The following CD163L1 variants were observed in gnomAD, a reference collection of about 807,000 sequenced individuals.
CD163L1 encodes scavenger receptor cysteine-rich type 1 protein M160.
A neutral mutation model predicts 165.4 loss-of-function variants in CD163L1; 124 were observed. The observed-to-expected ratio is 0.75, with a 90% CI of 0.65 to 0.87. The LOEUF is 0.87. Ranked by LOEUF, CD163L1 falls within the 40% of genes least tolerant of loss-of-function variation. The pLI, the probability that CD163L1 is intolerant of heterozygous loss-of-function variation, is 0.00. For synonymous variants in CD163L1, 585 were observed against 662.2 expected, an observed-to-expected ratio of 0.88 and a Z score of 1.79; for missense variants, 1,525 against 1,799.9, an observed-to-expected ratio of 0.85 and a Z score of 2.76.
At chr12:7,332,433 C>A in the CD163L1 span, among the ~76,000 whole-genome samples, 8,886 of 151,234 alleles carry the variant, frequency 0.059, 301 homozygotes, top group African/African-American at 0.098. Context: ...ATACAGAGAA[C>A]GCCACAAAGA....
At chr12:7,421,468 T>TATATAGAC in intron 4 of CD163L1, among the ~76,000 whole-genome samples, 1 of 93,390 alleles carries the variant, frequency 1.1e-5, no homozygotes, top group East Asian at 4.6e-4. Context: ...TATATACATA[T>TATATAGAC]ATATACATAT....
chr12:7,415,197 T>G (rs1467760202), intron 4 of CD163L1, among the ~76,000 whole-genome samples: 1 of 152,016 alleles, frequency 6.6e-6, no homozygotes, highest in Non-Finnish European at 1.5e-5. Context: ...ATCAATAAAA[T>G]AAAATATAAC....
the CD163L1 span, among the ~76,000 whole-genome samples, chr12:7,332,633 A>G: frequency 6.6e-6 from 1 of 152,358 alleles, no homozygotes; most frequent in East Asian, 1.9e-4. Context: ...AATATTCAAC[A>G]TTCTTAAAGA....
intron 18 of CD163L1, among the ~76,000 whole-genome samples, chr12:7,360,601 A>AT (rs1946872053): frequency 6.6e-6 from 1 of 151,860 alleles, no homozygotes; most frequent in Non-Finnish European, 1.5e-5. Context: ...CAATCCAGTG[A>AT]TTTTTTGAAA....
At chr12:7,422,751 ATGTG>A (rs72061380) in intron 4 of CD163L1, among the ~76,000 whole-genome samples, 10,099 of 143,668 alleles carry the variant, frequency 0.07, 364 homozygotes, top group African/African-American at 0.092. Context: ...ATATATACAT[ATGTG>A]TGTGTGTGTG....
At chr12:7,384,687 C>G (rs377524597) in intron 8 of CD163L1, among the ~76,000 whole-genome samples, 187 of 152,006 alleles carry the variant, frequency 1.2e-3, no homozygotes, top group African/African-American at 4.4e-3. Flanking sequence ...AAATATAATA[C>G]CCAGCAAAGT....
At chr12:7,423,063 G>T (rs182491624) in intron 4 of CD163L1, among the ~76,000 whole-genome samples, 17 of 151,956 alleles carry the variant, frequency 1.1e-4, no homozygotes, top group Non-Finnish European at 2.2e-4. Flanking sequence ...TTCTAAGCTC[G>T]ACCTCATAAT....
At chr12:7,325,580 A>G in the CD163L1 span, among the ~76,000 whole-genome samples, 6 of 152,226 alleles carry the variant, frequency 3.9e-5, no homozygotes, top group Admixed American at 6.5e-5. Flanking sequence ...CTGGGAGGCA[A>G]TGGTTGGAGT....
chr12:7,333,779 T>C, the CD163L1 span, among the ~76,000 whole-genome samples: 2 of 151,984 alleles, frequency 1.3e-5, no homozygotes, highest in Admixed American at 1.3e-4. Flanking sequence ...AAGAATCAAA[T>C]AGACACCATA....
intron 8 of CD163L1, among the ~76,000 whole-genome samples, chr12:7,380,028 T>C (rs1178138057): frequency 1.3e-5 from 2 of 152,080 alleles, no homozygotes; most frequent in African/African-American, 4.8e-5. Flanking sequence ...GGAACACTTC[T>C]ACACTGCTGG....
At chr12:7,362,490 TATTA>T (rs968237394) in intron 18 of CD163L1, among the ~76,000 whole-genome samples, 12 of 140,662 alleles carry the variant, frequency 8.5e-5, no homozygotes, top group African/African-American at 1.8e-4. Flanking sequence ...AGATAGTATA[TATTA>T]ATTAATATAT....
intron 4 of CD163L1, among the ~76,000 whole-genome samples, chr12:7,421,414 T>TAC (rs1446500104): frequency 9.5e-6 from 1 of 104,782 alleles, no homozygotes; most frequent in East Asian, 3.3e-4. Context: ...CTTCCAAATG[T>TAC]ATATATACAT....
chr12:7,330,371 A>G, the CD163L1 span, among the ~76,000 whole-genome samples: 122 of 152,296 alleles, frequency 8.0e-4, 1 homozygote, highest in Middle Eastern at 3.4e-3. Context: ...ACAGCCCCTC[A>G]ATATTCTTAA....
At position 7,375,731 on chromosome 12, in the gene CD163L1, G is replaced by C. The variant is rs754333432; in HGVS notation, c.2655C>G (p.Ile885Met). The change falls in exon 10 of 20, where the codon ATC becomes ATG. Residue 885 changes from isoleucine to methionine, a missense_variant. By Grantham distance (10) the Ile-to-Met change is conservative (BLOSUM62 1). Coordinates refer to ENST00000313599, the MANE Select transcript of CD163L1 (RefSeq NM_174941.6). ...AGACAACTCCAACTTCTCTGCTGTG[G>C]ATACAAGTGTCTTCCGGATGTTGAA... is the stretch of plus-strand genomic sequence containing the variant. ...PIVQHPEDTCIHSREVGVVCS... is the reference protein window; with the variant it reads ...PIVQHPEDTCMHSREVGVVCS... 1 of 1,614,188 alleles carries C rather than the reference G, an allele frequency of 6.2e-7. No homozygotes were observed. Among genetic ancestry groups the C allele is most frequent in the Non-Finnish European group, 8.5e-7 (1 of 1,180,028 alleles).
downstream of CD163L1, among the ~76,000 whole-genome samples, chr12:7,354,755 G>A (rs886294174): frequency 2.6e-5 from 4 of 152,102 alleles, no homozygotes; most frequent in African/African-American, 9.7e-5. Context: ...ACTTCCCACT[G>A]TACACTCACA....
intron 4 of CD163L1, among the ~76,000 whole-genome samples, chr12:7,421,230 T>G (rs1170757580): frequency 3.0e-5 from 4 of 134,136 alleles, no homozygotes; most frequent in East Asian, 4.3e-4. Flanking sequence ...TATATATATG[T>G]ATATATACAT....
At chr12:7,385,066 TA>T (rs1247629035) in intron 8 of CD163L1, among the ~76,000 whole-genome samples, 3 of 151,530 alleles carry the variant, frequency 2.0e-5, no homozygotes, top group South Asian at 2.1e-4. Context: ...CTGAATGGAT[TA>T]AAAAAAACAA....
intron 4 of CD163L1, among the ~76,000 whole-genome samples, chr12:7,417,196 CT>C (rs1948261654): frequency 6.6e-6 from 1 of 152,096 alleles, no homozygotes; most frequent in Admixed American, 6.6e-5. Context: ...TGGGAGTTCA[CT>C]CATGATTTGG....
chr12:7,426,685 C>T (rs1367704222), intron 4 of CD163L1, among the ~76,000 whole-genome samples: 1 of 151,888 alleles, frequency 6.6e-6, no homozygotes, highest in African/African-American at 2.4e-5. Flanking sequence ...ACATGTCTAC[C>T]CATGTAACAA....
Sources: gnomAD v4.1 joint callset for allele counts (sites outside exome capture counted in the v4.1 genomes callset) on GRCh38, gnomAD v4.1.1 for gene constraint, MANE v1.5 for transcripts, NCBI Gene and HGNC (gene_info 2026-07-23, HGNC 2026-07-21) for gene names.